FGFR1: variants seen among roughly 807,000 people sequenced by gnomAD.
The protein encoded by FGFR1 is FGFR1/PLAG1 fusion.
In FGFR1, 18 loss-of-function variants were observed where a neutral mutation model predicts 93.7. That is an observed-to-expected ratio of 0.19 (90% CI 0.13 to 0.28). The LOEUF is 0.28. FGFR1 is among the 10% of genes least tolerant of loss of function. The pLI is 1.00. For synonymous variants in FGFR1, 448 were observed against 429.3 expected (o/e 1.04, Z -0.54); for missense variants, 731 against 1,080.4 (o/e 0.68, Z 4.53).
intron 2 of FGFR1, among the ~76,000 whole-genome samples, chr8:38,456,056 C>T (rs894143600): frequency 6.6e-6 from 1 of 152,160 alleles, no homozygotes. Context: ...TCTCACACAA[C>T]TTTCCCTGTT....
At chr8:38,414,417 C>G (rs1226525652) in intron 15 of FGFR1, 128 bp from the exon 16 acceptor site, 1 of 1,541,582 alleles carries the variant, frequency 6.5e-7, no homozygotes, top group Non-Finnish European at 8.9e-7. Flanking sequence ...ACATCTGGAG[C>G]AGAGGGAATG....
At position 38,414,907 on chromosome 8, in the gene FGFR1, G is replaced by T; in HGVS notation, c.1855-6C>A. On this transcript the variant is annotated splice_region_variant and splice_polypyrimidine_tract_variant and intron_variant, in intron 13 of 17. Transcript: ENST00000447712. Reference sequence around the variant, plus strand: ...GCCAGGTCTCGGTGTATGCACTGAGGAAGGAGGAAGGGAGAGCGGGAGGCG... The same window carrying T: ...GCCAGGTCTCGGTGTATGCACTGAGTAAGGAGGAAGGGAGAGCGGGAGGCG... The T allele has an allele frequency of 6.2e-7, 1 of 1,611,870 alleles. No homozygotes were observed. Among genetic ancestry groups the T allele is most frequent in the South Asian group, 1.1e-5 (1 of 91,054 alleles).
At chr8:38,428,690 C>T in intron 3 of FGFR1, 1 of 530,422 alleles carries the variant, frequency 1.9e-6, no homozygotes, top group South Asian at 2.1e-5. Context: ...TCAGCTGTTC[C>T]TATTTAACTT....
At chr8:38,465,331 G>A (rs1303056603) in intron 1 of FGFR1, 1 of 232,640 alleles carries the variant, frequency 4.3e-6, no homozygotes, top group African/African-American at 2.2e-5. Context: ...CATTTCTGCA[G>A]GCATGTTTGG....
chr8:38,452,502 C>A (rs1796615715), intron 2 of FGFR1, among the ~76,000 whole-genome samples: 1 of 152,076 alleles, frequency 6.6e-6, no homozygotes, highest in Admixed American at 6.5e-5. Flanking sequence ...ATAGCTAGGA[C>A]TGCCGATGTG....
intron 7 of FGFR1, chr8:38,422,311 G>C: frequency 2.2e-6 from 1 of 450,648 alleles, no homozygotes; most frequent in Non-Finnish European, 4.1e-6. Context: ...AGGAGGGATG[G>C]CGGGGGCTGC....
In FGFR1 at chr8:38,424,570, T is replaced by C. The variant is rs2150817527; in HGVS notation, c.875A>G (p.His292Arg). 6.2e-7 allele frequency: 1 copy of C among 1,614,258 alleles called. No individual in the cohort carries two copies. Among genetic ancestry groups the C allele is most frequent in the Non-Finnish European group, 8.5e-7 (1 of 1,180,050 alleles). ...DPQPHIQWLKHIEVNGSKIGP... is the reference protein window; with the variant it reads ...DPQPHIQWLKRIEVNGSKIGP... The stretch of plus-strand genomic sequence containing the variant: ...AATCTTGCTCCCATTCACCTCGATG[T>C]GCTTTAGCCACTGGATGTGCGGCTG... Residue 292 changes from histidine to arginine, a missense_variant, in exon 7 of 18, where the codon CAC (histidine) becomes CGC (arginine). Around this residue, in one of 10 missense-constraint regions of FGFR1, gnomAD observed 109 missense variants for 249.4 expected, o/e 0.44. Transcript: ENST00000447712. This position sits in a 1 kb window ranked among gnomAD's most constrained non-coding sequence, Gnocchi z 4.3.
chr8:38,442,307 G>A (rs1036814155), intron 2 of FGFR1, among the ~76,000 whole-genome samples: 3 of 151,786 alleles, frequency 2.0e-5, no homozygotes, highest in African/African-American at 4.8e-5. Context: ...AGTCCAACTC[G>A]TCATCACCTG....
At chr8:38,416,261 G>A (rs760969350) in intron 12 of FGFR1, among the ~76,000 whole-genome samples, 12 of 152,016 alleles carry the variant, frequency 7.9e-5, no homozygotes, top group African/African-American at 2.4e-4. Context: ...GAAAATTCCC[G>A]AGCAACATTG....
At chr8:38,415,815 A>T in intron 13 of FGFR1, 55 bp downstream of exon 13, 1 of 1,543,284 alleles carries the variant, frequency 6.5e-7, no homozygotes, top group Non-Finnish European at 8.9e-7. Context: ...CTGGAAGACT[A>T]GGGGGGCTCT....
At chr8:38,421,574 G>C (rs1818784867) in intron 8 of FGFR1, 2 of 608,874 alleles carry the variant, frequency 3.3e-6, no homozygotes, top group East Asian at 2.8e-5. Flanking sequence ...AGCAGAGGCA[G>C]GTGTACGGGT....
At chr8:38,423,066 T>A in intron 7 of FGFR1, 1 of 779,698 alleles carries the variant, frequency 1.3e-6, no homozygotes. Context: ...CGCAGACTGG[T>A]TAGCTTCACC....
At chr8:38,416,269 T>C (rs371432013) in intron 12 of FGFR1, among the ~76,000 whole-genome samples, 123 of 152,176 alleles carry the variant, frequency 8.1e-4, no homozygotes, top group African/African-American at 1.9e-3. Context: ...CCGAGCAACA[T>C]TGGGGTAAGA....
Position 38,424,338 on chromosome 8 carries a change from A to T in FGFR1, c.936+171T>A. 1 of 773,406 alleles carries T rather than the reference A, an allele frequency of 1.3e-6. No individual in the cohort carries two copies. Among genetic ancestry groups the T allele is most frequent in the Non-Finnish European group, 2.3e-6 (1 of 436,584 alleles). 47.9% of individuals were successfully genotyped at this position (773,406 alleles called of 1,614,324 possible). ...TCACCTCCACTTTGTGACCTCTGTT[A>T]CTAGTCCTGGGGGATGTGGCTAGAT... On this transcript the variant is annotated intron_variant, in intron 7 of 17. Coordinates refer to ENST00000447712, the MANE Select transcript of FGFR1 (RefSeq NM_023110.3). This position sits in a 1 kb window ranked among gnomAD's most constrained non-coding sequence, Gnocchi z 4.3.
chr8:38,438,063 G>A (rs575182627), intron 2 of FGFR1, among the ~76,000 whole-genome samples: 47 of 152,202 alleles, frequency 3.1e-4, no homozygotes, highest in Middle Eastern at 3.4e-3. Flanking sequence ...TTTCCAGCAC[G>A]CTCACTATAT....
At chr8:38,433,875 T>C (rs567440014) in intron 2 of FGFR1, among the ~76,000 whole-genome samples, 1 of 152,344 alleles carries the variant, frequency 6.6e-6, no homozygotes, top group South Asian at 2.1e-4. Flanking sequence ...AGAACATTTT[T>C]ACCATCCCTC....
chr8:38,425,456 C>T (rs1820412286), intron 6 of FGFR1, among the ~76,000 whole-genome samples: 1 of 152,168 alleles, frequency 6.6e-6, no homozygotes, highest in Non-Finnish European at 1.5e-5. Flanking sequence ...CCACCTGGAG[C>T]TCATAAGCCA....
rs1250146809 is a variant in FGFR1 at position 38,417,632 on chromosome 8, G to A, written c.1553-216C>T. On this transcript the variant is annotated intron_variant, in intron 11 of 17. Coordinates refer to ENST00000447712, the MANE Select transcript of FGFR1 (RefSeq NM_023110.3). ...GGGATGTGGTGAGGAAAGCCTGCAA[G>A]CGATGGATCCAGGATAAACACCTGA... 7.0e-6 allele frequency: 5 copies of A among 717,762 alleles called. No individual in the cohort carries two copies. The East Asian group carries it at 1.1e-4, about 15-fold the overall frequency. 44.5% of individuals were successfully genotyped at this position (717,762 alleles called of 1,614,324 possible). A position where few individuals can be genotyped will look rare whatever the true frequency, so the allele number is the denominator to read the frequency against.
chr8:38,423,070 C>T (rs754756190), intron 7 of FGFR1: 23 of 779,744 alleles, frequency 2.9e-5, no homozygotes, highest in Non-Finnish European at 4.1e-5. Context: ...GACTGGTTAG[C>T]TTCACCAATA....
Sources: gnomAD v4.1 joint callset for allele counts (sites outside exome capture counted in the v4.1 genomes callset) on GRCh38, gnomAD v4.1.1 for gene constraint, gnomAD v4.1.1 regional missense constraint, Gnocchi (gnomAD v3.1) non-coding constraint, MANE v1.5 for transcripts, NCBI Gene and HGNC (gene_info 2026-07-23, HGNC 2026-07-21) for gene names.